Variants in DPRX observed in about 807,000 individuals in gnomAD.
DPRX encodes the protein divergent paired-related homeobox.
A neutral mutation model predicts 8.4 loss-of-function variants in DPRX; 11 were observed. The observed-to-expected ratio is 1.31, with a 90% CI of 0.82 to 2.17. DPRX has a LOEUF of 2.17. DPRX is among the 30% of genes most tolerant of loss of function. DPRX has a pLI of 0.00. For missense variants in DPRX, 211 were observed against 236.7 expected (o/e 0.89, Z 0.71); for synonymous variants, 72 against 87.0 (o/e 0.83, Z 0.96).
the DPRX span, chr19:53,617,164 T>G: frequency 1.8e-6 from 2 of 1,096,166 alleles, no homozygotes; most frequent in Non-Finnish European, 2.8e-6. Flanking sequence ...GATTTCTTCT[T>G]CTATTCGTTG....
At chr19:53,624,905 C>T in the DPRX span, among the ~76,000 whole-genome samples, 2 of 151,040 alleles carry the variant, frequency 1.3e-5, no homozygotes, top group Admixed American at 1.3e-4. Flanking sequence ...TGAGATCGGG[C>T]GTGTTCCCGG....
At chr19:53,625,366 A>G in the DPRX span, among the ~76,000 whole-genome samples, 86 of 152,206 alleles carry the variant, frequency 5.7e-4, 1 homozygote, top group East Asian at 0.015. Context: ...GATCACAGCC[A>G]GAAACTCCCA....
At chr19:53,610,163 A>AAAAAT in the DPRX span, among the ~76,000 whole-genome samples, 1 of 98,150 alleles carries the variant, frequency 1.0e-5, no homozygotes, top group Non-Finnish European at 2.0e-5. Context: ...AAAAAAAAAA[A>AAAAAT]AAAAATTAGG....
At chr19:53,624,516 C>T in the DPRX span, among the ~76,000 whole-genome samples, 4 of 151,874 alleles carry the variant, frequency 2.6e-5, no homozygotes, top group Admixed American at 1.3e-4. Flanking sequence ...AGTTTCAAGC[C>T]GTACTCTTAC....
the DPRX span, chr19:53,616,996 G>A: frequency 8.7e-7 from 1 of 1,147,390 alleles, no homozygotes; most frequent in East Asian, 2.3e-5. Flanking sequence ...TATGACTGAT[G>A]AACAAGGGCA....
chr19:53,636,547 G>T, intron 2 of DPRX, 49 bp from the exon 3 acceptor site: 1 of 1,356,096 alleles, frequency 7.4e-7, no homozygotes, highest in South Asian at 2.4e-5. Flanking sequence ...AAAATAGAAT[G>T]ACAAGTCATC....
the DPRX span, among the ~76,000 whole-genome samples, chr19:53,609,466 CAAAAAAAAAAAAAAAAA>C: frequency 3.6e-5 from 2 of 55,486 alleles, no homozygotes; most frequent in Admixed American, 6.2e-4. Flanking sequence ...GACTCGGTCT[CAAAAAAAAAAAAAAAAA>C]AAAAAAAAAA....
the DPRX span, chr19:53,606,903 A>T: frequency 0.4 from 60,223 of 151,136 alleles, 12,217 homozygotes; most frequent in South Asian, 0.56. This position sits in a 1 kb window ranked among gnomAD's most constrained non-coding sequence, Gnocchi z 4.8. Flanking sequence ...CAGCCCAAAC[A>T]GTGCCCAAAC....
upstream of DPRX, among the ~76,000 whole-genome samples, chr19:53,630,351 A>G (rs1476664514): frequency 6.6e-6 from 1 of 152,092 alleles, no homozygotes; most frequent in East Asian, 1.9e-4. Context: ...CTTGTGCCTA[A>G]GACTTTGAGA....
the DPRX span, chr19:53,602,227 C>T: frequency 4.7e-6 from 2 of 426,792 alleles, no homozygotes; most frequent in Non-Finnish European, 9.4e-6. Flanking sequence ...GTGAAGATCT[C>T]GGGCCACATC....
the DPRX span, chr19:53,601,468 T>A: frequency 2.5e-6 from 1 of 396,296 alleles, no homozygotes; most frequent in Non-Finnish European, 5.0e-6. Flanking sequence ...TGCAGTCGCA[T>A]ATTCAATGCC....
the DPRX span, chr19:53,602,265 T>TGG: frequency 5.3e-3 from 1,805 of 342,732 alleles, 30 homozygotes; most frequent in African/African-American, 0.044. Flanking sequence ...TATATGGGTA[T>TGG]GGGTGTGTGT....
the DPRX span, chr19:53,616,820 G>A: frequency 0.033 from 53,266 of 1,596,506 alleles, 1,879 homozygotes; most frequent in East Asian, 0.19. Flanking sequence ...ACTTTGTACC[G>A]TGTCCCGTTC....
the DPRX span, among the ~76,000 whole-genome samples, chr19:53,624,845 G>GA: frequency 2.1e-3 from 260 of 125,234 alleles, 1 homozygote; most frequent in African/African-American, 6.9e-3. Context: ...AAAAAAAAAA[G>GA]AAAGAAAGAA....
chr19:53,622,741 G>C, the DPRX span, among the ~76,000 whole-genome samples: 1 of 152,154 alleles, frequency 6.6e-6, no homozygotes, highest in African/African-American at 2.4e-5. Flanking sequence ...GCTTCTTGGT[G>C]AAAGTGTTCC....
intron 1 of DPRX, among the ~76,000 whole-genome samples, chr19:53,633,024 G>A (rs1299687188): frequency 2.0e-5 from 3 of 152,060 alleles, no homozygotes; most frequent in East Asian, 1.9e-4. Context: ...CGAGGCATGC[G>A]GTGGCTCATG....
chr19:53,628,367 C>T (rs2091078928), upstream of DPRX, among the ~76,000 whole-genome samples: 1 of 152,146 alleles, frequency 6.6e-6, no homozygotes, highest in African/African-American at 2.4e-5. Flanking sequence ...TAAAAATAAT[C>T]AGTCCTTGGG....
upstream of DPRX, chr19:53,629,678 G>A (rs2091084023): frequency 6.6e-6 from 1 of 151,562 alleles, no homozygotes; most frequent in South Asian, 2.1e-4. Flanking sequence ...TGCTTGGTAT[G>A]TCTTATTCAC....
chr19:53,612,425 G>A, the DPRX span, among the ~76,000 whole-genome samples: 1 of 151,256 alleles, frequency 6.6e-6, no homozygotes, highest in African/African-American at 2.4e-5. Context: ...GATTGGACGT[G>A]GCCGGGTGCA....
Sources: allele counts gnomAD v4.1 joint callset (sites outside exome capture counted in the v4.1 genomes callset), GRCh38; gene constraint gnomAD v4.1.1; non-coding constraint Gnocchi (gnomAD v3.1); transcripts MANE v1.5; gene names NCBI Gene and HGNC (gene_info 2026-07-23, HGNC 2026-07-21).